Variants in ROBO2 observed in about 807,000 individuals in gnomAD.
The protein encoded by ROBO2 is roundabout guidance receptor 2.
A neutral mutation model predicts 160.8 loss-of-function variants in ROBO2; 53 were observed. The observed-to-expected ratio is 0.33, with a 90% CI of 0.26 to 0.41. The LOEUF (loss-of-function observed/expected upper bound fraction) is 0.41, where lower values mean the gene tolerates loss of function less well. Ranked by LOEUF, ROBO2 falls within the 10% of genes least tolerant of loss-of-function variation. The pLI, the probability that ROBO2 is intolerant of heterozygous loss-of-function variation, is 1.00. For synonymous variants in ROBO2, 664 were observed against 611.7 expected (o/e 1.09, Z -1.26); for missense variants, 1,577 against 1,722.4 (o/e 0.92, Z 1.49).
intron 2 of ROBO2, among the ~76,000 whole-genome samples, chr3:76,806,741 A>G (rs1440438471): frequency 1.3e-5 from 2 of 152,014 alleles, no homozygotes; most frequent in Non-Finnish European, 2.9e-5. Context: ...CTGAAATAAT[A>G]AGCTTTTGTT....
At position 77,217,916 on chromosome 3, in the gene ROBO2, G is replaced by C. The variant is rs897940085; in HGVS notation, c.388+119576G>C. ...AGTAAATGAAATATTACAGACAGGA[G>C]TAGTTCTCCCTCAAATGAGATTATC... On this transcript the variant is annotated intron_variant, in intron 2 of 25. Coordinates refer to ENST00000461745, the Ensembl canonical transcript of ROBO2. 2.0e-5 allele frequency among the ~76,000 whole-genome samples: 3 copies of C among 152,180 alleles called. No individual in the cohort carries two copies. In the East Asian group the frequency reaches 5.8e-4, roughly 29 times the overall value.
At chr3:76,438,873 G>A (rs183372389) in intron 2 of ROBO2, among the ~76,000 whole-genome samples, 37 of 151,636 alleles carry the variant, frequency 2.4e-4, no homozygotes, top group South Asian at 8.3e-4. Context: ...GATAAGTGTC[G>A]TTAAGCCCTG....
chr3:76,732,994 T>TGGGGGGGGGGGGGGGG (rs796513860), intron 2 of ROBO2, among the ~76,000 whole-genome samples: 1 of 117,460 alleles, frequency 8.5e-6, no homozygotes, highest in Non-Finnish European at 1.8e-5. Flanking sequence ...TGACTGGGGG[T>TGGGGGGGGGGGGGGGG]GGGGGGGGGA....
At chr3:76,927,756 A>G (rs2077074342) in intron 2 of ROBO2, among the ~76,000 whole-genome samples, 1 of 152,158 alleles carries the variant, frequency 6.6e-6, no homozygotes, top group Non-Finnish European at 1.5e-5. Flanking sequence ...TGAACTTTCT[A>G]TTTTCTATCT....
At chr3:76,458,316 C>T (rs761545528) in intron 2 of ROBO2, among the ~76,000 whole-genome samples, 17 of 152,180 alleles carry the variant, frequency 1.1e-4, no homozygotes, top group Middle Eastern at 3.4e-3. Context: ...CTGTAGGGCA[C>T]GGGCAAAATG....
At chr3:77,272,129 A>T (rs2059531223) in intron 2 of ROBO2, among the ~76,000 whole-genome samples, 1 of 152,198 alleles carries the variant, frequency 6.6e-6, no homozygotes, top group African/African-American at 2.4e-5. Context: ...AACCCATAAG[A>T]TGGGGAATTA....
At chr3:76,134,269 T>A (rs1014935691) in intron 2 of ROBO2, among the ~76,000 whole-genome samples, 5 of 113,740 alleles carry the variant, frequency 4.4e-5, no homozygotes, top group African/African-American at 1.9e-4. Flanking sequence ...GTGAAGATAC[T>A]TTTTTTTTCT....
intron 2 of ROBO2, among the ~76,000 whole-genome samples, chr3:76,445,792 A>G (rs2077152324): frequency 6.6e-6 from 1 of 152,204 alleles, no homozygotes; most frequent in Non-Finnish European, 1.5e-5. Flanking sequence ...CAAAAACCAC[A>G]TAATTATCTC....
intron 24 of ROBO2, among the ~76,000 whole-genome samples, chr3:77,637,681 T>TC (rs2095287531): frequency 6.6e-6 from 1 of 152,198 alleles, no homozygotes; most frequent in South Asian, 2.1e-4. Context: ...GTATATTTTT[T>TC]CTGTTGTGAA....
chr3:77,564,131 G>A (rs746056179), intron 11 of ROBO2, among the ~76,000 whole-genome samples: 2 of 151,874 alleles, frequency 1.3e-5, no homozygotes, highest in Non-Finnish European at 2.9e-5. Context: ...GGTAATGCTA[G>A]GTACTTAATT....
intron 2 of ROBO2, among the ~76,000 whole-genome samples, chr3:76,158,926 A>G (rs2106906353): frequency 6.6e-6 from 1 of 152,326 alleles, no homozygotes; most frequent in South Asian, 2.1e-4. Flanking sequence ...ATTCTGTATA[A>G]TAATTCTTAT....
intron 2 of ROBO2, among the ~76,000 whole-genome samples, chr3:76,575,671 G>T (rs900758272): frequency 9.2e-5 from 14 of 151,938 alleles, no homozygotes; most frequent in Non-Finnish European, 1.6e-4. Flanking sequence ...CTTTCCAAAG[G>T]TTAAAGAAAT....
At chr3:76,691,668 T>G (rs2092806080) in intron 2 of ROBO2, among the ~76,000 whole-genome samples, 1 of 152,034 alleles carries the variant, frequency 6.6e-6, no homozygotes, top group African/African-American at 2.4e-5. Flanking sequence ...TAGGAGAGGA[T>G]GGTTTAAAGT....
chr3:76,737,883 A>T (rs1390282995), intron 2 of ROBO2, among the ~76,000 whole-genome samples: 1 of 152,184 alleles, frequency 6.6e-6, no homozygotes, highest in Non-Finnish European at 1.5e-5. Flanking sequence ...ACGGTGGCTC[A>T]CACCTGTAAT....
chr3:76,197,388 C>G (rs1010886574), intron 2 of ROBO2, among the ~76,000 whole-genome samples: 1 of 150,828 alleles, frequency 6.6e-6, no homozygotes, highest in Non-Finnish European at 1.5e-5. Context: ...TGATAATCCA[C>G]TGAGCTAATC....
chr3:76,901,159 C>A (rs1327463290), intron 2 of ROBO2, among the ~76,000 whole-genome samples: 2 of 151,734 alleles, frequency 1.3e-5, no homozygotes, highest in Admixed American at 1.3e-4. Context: ...CACTGACTAA[C>A]CTGTATTAAA....
chr3:76,084,664 T>G (rs2068948521), intron 2 of ROBO2, among the ~76,000 whole-genome samples: 1 of 152,168 alleles, frequency 6.6e-6, no homozygotes, highest in Non-Finnish European at 1.5e-5. Flanking sequence ...TATCTCATAC[T>G]AGTGCCCTGT....
chr3:76,673,994 T>A (rs2092339596), intron 2 of ROBO2, among the ~76,000 whole-genome samples: 1 of 152,122 alleles, frequency 6.6e-6, no homozygotes, highest in African/African-American at 2.4e-5. Context: ...CTGGTTTTAG[T>A]GCTGTCTTTC....
chr3:76,723,121 C>G (rs1034381458), intron 2 of ROBO2, among the ~76,000 whole-genome samples: 1 of 151,956 alleles, frequency 6.6e-6, no homozygotes, highest in Non-Finnish European at 1.5e-5. Context: ...TTGTGTTATA[C>G]AATTTTTCTA....
Sources: allele counts gnomAD v4.1 joint callset (sites outside exome capture counted in the v4.1 genomes callset), GRCh38; gene constraint gnomAD v4.1.1; transcripts MANE v1.5; gene names NCBI Gene and HGNC (gene_info 2026-07-23, HGNC 2026-07-21).